Variants in DYM observed in about 807,000 individuals in gnomAD.
DYM encodes the protein dymeclin, also known as dyggve-Melchior-Clausen syndrome protein.
A neutral mutation model predicts 93.1 loss-of-function variants in DYM; 78 were observed. That is an observed-to-expected ratio of 0.84 (90% confidence interval 0.70 to 1.01). The LOEUF is 1.01. DYM is among the 50% of genes least tolerant of loss of function. The pLI is 0.00. For synonymous variants in DYM, 321 were observed against 319.7 expected, an observed-to-expected ratio of 1.00 and a Z score of -0.04; for missense variants, 789 against 845.0, an observed-to-expected ratio of 0.93 and a Z score of 0.82.
chr18:49,176,705 G>A (rs1359251425), intron 14 of DYM, among the ~76,000 whole-genome samples: 1 of 150,590 alleles, frequency 6.6e-6, no homozygotes, highest in Non-Finnish European at 1.5e-5. Flanking sequence ...GTGAGCCACT[G>A]TGCTTGGCTT....
chr18:49,067,450 G>A (rs2076544970), intron 17 of DYM, among the ~76,000 whole-genome samples: 2 of 34,332 alleles, frequency 5.8e-5, no homozygotes, highest in African/African-American at 2.2e-4. Context: ...GGTGATGTGA[G>A]CACTATGGAA....
intron 11 of DYM, among the ~76,000 whole-genome samples, chr18:49,265,606 C>T (rs920279261): frequency 1.3e-5 from 2 of 151,766 alleles, no homozygotes; most frequent in Non-Finnish European, 2.9e-5. Context: ...TGGAGAAACC[C>T]TGTCTCTACT....
intron 8 of DYM, among the ~76,000 whole-genome samples, chr18:49,330,768 C>T (rs1166926685): frequency 6.6e-6 from 1 of 152,026 alleles, no homozygotes; most frequent in Non-Finnish European, 1.5e-5. Context: ...ACAAAAAGCC[C>T]CTGAAATAAT....
chr18:49,374,753 G>A lies in DYM; in HGVS notation c.421+3814C>T, dbSNP rs1249836463. On this transcript the variant is annotated intron_variant, in intron 5 of 17. Transcript: ENST00000675505. ...GTGGGCAGATCACATGAGGTCAGGA[G>A]TTCAAGACCAGCCTGACCAACATGG... 2.6e-5 allele frequency among the ~76,000 whole-genome samples: 4 copies of A among 152,204 alleles called. No individual in the cohort carries two copies. In the South Asian group the frequency reaches 8.3e-4, roughly 32 times the overall value.
At chr18:49,447,057 T>C (rs1184186480) in intron 1 of DYM, among the ~76,000 whole-genome samples, 2 of 128,488 alleles carry the variant, frequency 1.6e-5, no homozygotes, top group East Asian at 5.5e-4. Context: ...GAAGACTCCA[T>C]CACAAAAAAA....
At chr18:49,397,331 T>C (rs917768200) in intron 2 of DYM, among the ~76,000 whole-genome samples, 4 of 152,218 alleles carry the variant, frequency 2.6e-5, no homozygotes, top group African/African-American at 7.2e-5. Context: ...TTCAAATATA[T>C]TGGTGCAATT....
At chr18:49,333,081 G>A (rs1487089739) in intron 7 of DYM, among the ~76,000 whole-genome samples, 1 of 152,204 alleles carries the variant, frequency 6.6e-6, no homozygotes, top group African/African-American at 2.4e-5. Flanking sequence ...CCCACTATCT[G>A]AGAACTTTCC....
At chr18:49,264,101 GTT>G (rs66500150) in intron 11 of DYM, among the ~76,000 whole-genome samples, 2,590 of 135,520 alleles carry the variant, frequency 0.019, 74 homozygotes, top group South Asian at 0.081. Context: ...GATGGGCGTT[GTT>G]TTTTTTTTTT....
intron 13 of DYM, among the ~76,000 whole-genome samples, chr18:49,243,190 C>G (rs2094074382): frequency 6.6e-6 from 1 of 152,274 alleles, no homozygotes; most frequent in Admixed American, 6.5e-5. Flanking sequence ...CTGGGTCCCA[C>G]TTTCATCACA....
chr18:49,420,315 C>T (rs1039874390), intron 2 of DYM, among the ~76,000 whole-genome samples: 4 of 151,884 alleles, frequency 2.6e-5, no homozygotes, highest in African/African-American at 9.7e-5. Context: ...TTACAGGCGC[C>T]CGCCACCACG....
intron 13 of DYM, among the ~76,000 whole-genome samples, chr18:49,254,281 C>CATATATATATATAT (rs3084549): frequency 3.4e-4 from 47 of 136,512 alleles, no homozygotes; most frequent in South Asian, 7.1e-4. Flanking sequence ...ATCCTTGTAT[C>CATATATATATATAT]ATATATATAT....
intron 8 of DYM, among the ~76,000 whole-genome samples, chr18:49,306,536 A>G (rs2061286403): frequency 6.6e-6 from 1 of 152,340 alleles, no homozygotes; most frequent in Non-Finnish European, 1.5e-5. Context: ...AATTTTCTAA[A>G]AGGAATTCAA....
chr18:49,371,252 T>A (rs1312412866), intron 5 of DYM, among the ~76,000 whole-genome samples: 2 of 152,148 alleles, frequency 1.3e-5, no homozygotes, highest in Non-Finnish European at 2.9e-5. Flanking sequence ...ATAATCCCAG[T>A]GCTTTGGAAG....
chr18:49,066,667 A>G (rs757418943), intron 17 of DYM, among the ~76,000 whole-genome samples: 23 of 152,130 alleles, frequency 1.5e-4, no homozygotes, highest in Admixed American at 2.0e-4. Flanking sequence ...GTTCGACTTT[A>G]GCAGATAAGC....
In DYM at chr18:49,195,916, CTTTTTTTTTTT is replaced by C. The variant is rs540189318; in HGVS notation, c.1625+13624_1625+13634del. Among the ~76,000 whole-genome samples, 13 of 84,036 alleles carry C rather than the reference CTTTTTTTTTTT, an allele frequency of 1.5e-4. 2 individuals carry two copies. The highest frequency in any genetic ancestry group is 6.8e-4 in the African/African-American group (12 of 17,748). The allele number at this position is 84,036 out of a possible 152,430, so 55.1% of individuals were successfully genotyped here. On this transcript the variant is annotated intron_variant, in intron 14 of 17. Transcript: ENST00000675505. ...ATTATGCTCTCTTGAATGCTACCAT[CTTTTTTTTTTT>C]TTTTTTTTTTTTTTGAGACGGAGCC...
intron 16 of DYM, among the ~76,000 whole-genome samples, chr18:49,100,488 C>T (rs2080023602): frequency 6.6e-6 from 1 of 152,050 alleles, no homozygotes; most frequent in African/African-American, 2.4e-5. Flanking sequence ...TTTCCATTTC[C>T]ACTGGGAGAG....
At position 49,258,103 on chromosome 18, in the gene DYM, A is replaced by G. The variant is rs72642449; in HGVS notation, c.1365+277T>C. ...TTGCTGCTATTAAAAAAGGCAAATC[A>G]GTGTTACTGGCCAAATAAAGACATA... is the stretch of plus-strand genomic sequence containing the variant. On this transcript the variant is annotated intron_variant, in intron 12 of 17. Transcript: ENST00000675505. Among the ~76,000 whole-genome samples, 30 of 152,332 alleles carry G rather than the reference A, an allele frequency of 2.0e-4. No individual in the cohort carries two copies. The East Asian group carries it at 5.8e-3, about 29-fold the overall frequency.
At chr18:49,400,440 A>G (rs73445761) in intron 2 of DYM, among the ~76,000 whole-genome samples, 5,538 of 152,130 alleles carry the variant, frequency 0.036, 318 homozygotes, top group African/African-American at 0.12. Flanking sequence ...TCGTTCAACA[A>G]TCAACACTTT....
chr18:49,088,889 A>G (rs766136558), intron 17 of DYM, among the ~76,000 whole-genome samples: 59 of 152,124 alleles, frequency 3.9e-4, no homozygotes, highest in Non-Finnish European at 7.4e-4. Flanking sequence ...TTTCCAGGGC[A>G]CAAGCGATCC....
Sources: allele counts gnomAD v4.1 joint callset (sites outside exome capture counted in the v4.1 genomes callset), GRCh38; gene constraint gnomAD v4.1.1; transcripts MANE v1.5; gene names NCBI Gene and HGNC (gene_info 2026-07-23, HGNC 2026-07-21).